Variants in PCDHGA8 observed in about 807,000 individuals in gnomAD.
PCDHGA8 encodes protocadherin gamma subfamily A, 8, also known as protocadherin gamma-A8.
A neutral mutation model predicts 59.2 loss-of-function variants in PCDHGA8; 45 were observed. That is an observed-to-expected ratio of 0.76 (90% CI 0.60 to 0.98). The LOEUF (loss-of-function observed/expected upper bound fraction) is 0.98. PCDHGA8 is among the 50% of genes least tolerant of loss of function. PCDHGA8 has a pLI of 0.00. For missense variants in PCDHGA8, 1,257 were observed against 1,196.2 expected, an observed-to-expected ratio of 1.05 and a Z score of -0.75; for synonymous variants, 531 against 519.0, an observed-to-expected ratio of 1.02 and a Z score of -0.32.
Position 141,490,909 on chromosome 5 carries a change from G to T in PCDHGA8, c.2425-3898G>T. 4 of 1,613,744 alleles carry T rather than the reference G, an allele frequency of 2.5e-6. No individual in the cohort carries two copies. Among genetic ancestry groups the T allele is most frequent in the Non-Finnish European group, 3.4e-6 (4 of 1,179,762 alleles). ...ATCTCTGCATGTGTTTGTCCTAGAC[G>T]AGAATGATAATGCCCCAGCTGTGCT... On this transcript the variant is annotated intron_variant, in intron 1 of 3. Transcript: ENST00000398604. The surrounding 1 kb of genome is among the most constrained non-coding windows in gnomAD (Gnocchi z 5.4).
chr5:141,415,076 G>A (rs772523894), intron 1 of PCDHGA8: 3 of 1,613,462 alleles, frequency 1.9e-6, no homozygotes, highest in South Asian at 1.1e-5. Context: ...CGCACGGCGC[G>A]AGCCCTGCTG....
At position 141,421,030 on chromosome 5, in the gene PCDHGA8, G is replaced by A. The variant is rs989158485; in HGVS notation, c.2424+25793G>A. The stretch of plus-strand genomic sequence containing the variant: ...GGAATGGGAAGCTGCGCGCCATTGA[G>A]TCCCTCCCTCCCCCGCCTCTACCAC... On this transcript the variant is annotated intron_variant, in intron 1 of 3. Coordinates refer to ENST00000398604, the MANE Select transcript of PCDHGA8 (RefSeq NM_032088.2). 39 of 532,352 alleles carry A rather than the reference G, an allele frequency of 7.3e-5. No homozygotes were observed. In the East Asian group the frequency reaches 1.2e-3, roughly 17 times the overall value. 33.0% of individuals were successfully genotyped at this position (532,352 alleles called of 1,614,324 possible). A position where few individuals can be genotyped will look rare whatever the true frequency, so the allele number is the denominator to read the frequency against.
At chr5:141,415,638 T>G in intron 1 of PCDHGA8, 1 of 1,598,954 alleles carries the variant, frequency 6.3e-7, no homozygotes, top group Non-Finnish European at 8.5e-7. Flanking sequence ...TTTTTACTTT[T>G]GTTAAAAAAA....
At chr5:141,484,750 GTA>G (rs545232987) in intron 1 of PCDHGA8, among the ~76,000 whole-genome samples, 18 of 149,824 alleles carry the variant, frequency 1.2e-4, no homozygotes, top group Admixed American at 4.7e-4. Flanking sequence ...GAAAAAAAAT[GTA>G]TATATATATA....
intron 1 of PCDHGA8, chr5:141,415,551 C>A (rs745641887): frequency 5.6e-6 from 9 of 1,614,014 alleles, no homozygotes; most frequent in Non-Finnish European, 7.6e-6. Context: ...GTGAGAAAAA[C>A]GATCCTTTGT....
At chr5:141,422,463 C>T in intron 1 of PCDHGA8, 1 of 1,613,472 alleles carries the variant, frequency 6.2e-7, no homozygotes, top group African/African-American at 1.3e-5. Context: ...GAGTGCTGGA[C>T]AGGGAGTTGG....
At position 141,487,937 on chromosome 5, in the gene PCDHGA8, T is replaced by G; in HGVS notation, c.2425-6870T>G. 2 of 603,606 alleles carry G rather than the reference T, an allele frequency of 3.3e-6. No homozygotes were observed. The highest frequency in any genetic ancestry group is 2.9e-6 in the Non-Finnish European group (1 of 345,124). 37.4% of individuals were successfully genotyped at this position (603,606 alleles called of 1,614,324 possible). ...GGAGGCTACAGTGCACAGGGTACAG[T>G]GCACCAGGCAGTCACTTGGACAAAG... On this transcript the variant is annotated intron_variant, in intron 1 of 3. Transcript: ENST00000398604. The surrounding 1 kb of genome is among the most constrained non-coding windows in gnomAD (Gnocchi z 5.0).
intron 1 of PCDHGA8, among the ~76,000 whole-genome samples, chr5:141,401,572 C>T (rs1013014550): frequency 3.3e-5 from 5 of 152,268 alleles, no homozygotes; most frequent in Middle Eastern, 3.4e-3. Flanking sequence ...TTCTCTTGCT[C>T]GGAATCCTGA....
chr5:141,479,469 C>T lies in PCDHGA8; in HGVS notation c.2425-15338C>T, dbSNP rs1218436564. 8 of 152,344 alleles carry T rather than the reference C, an allele frequency of 5.3e-5. No homozygotes were observed. In the East Asian group the frequency reaches 1.5e-3, roughly 29 times the overall value. 9.4% of individuals were successfully genotyped at this position (152,344 alleles called of 1,614,324 possible). On this transcript the variant is annotated intron_variant, in intron 1 of 3. Transcript: ENST00000398604. ...AAGTTCAGCATGAATACAGTGACCT[C>T]TTGGGAGGGCAGGACCATCAGGTTG...
chr5:141,491,794 TCCGG>T lies in PCDHGA8; in HGVS notation c.2425-3007_2425-3004del. The T allele has an allele frequency of 6.6e-7, 1 of 1,511,056 alleles. No homozygotes were observed. The highest frequency in any genetic ancestry group is 8.8e-7 in the Non-Finnish European group (1 of 1,130,146). 93.6% of individuals were successfully genotyped at this position (1,511,056 alleles called of 1,614,324 possible). A position where few individuals can be genotyped will look rare whatever the true frequency, so the allele number is the denominator to read the frequency against. Reference sequence around the variant, plus strand: ...GGGATTGAACTTGCATCCACTCCTCTCCGGCCGGCTTGGTCGCTGGCTGCGCTCC... The same window carrying T: ...GGGATTGAACTTGCATCCACTCCTCTCCGGCTTGGTCGCTGGCTGCGCTCC... On this transcript the variant is annotated intron_variant, in intron 1 of 3. Transcript: ENST00000398604. The surrounding 1 kb of genome is among the most constrained non-coding windows in gnomAD (Gnocchi z 6.9).
chr5:141,489,312 G>A lies in PCDHGA8; in HGVS notation c.2425-5495G>A, dbSNP rs745541067. The A allele has an allele frequency of 2.5e-6, 4 of 1,594,972 alleles. No homozygotes were observed. The highest frequency in any genetic ancestry group is 2.6e-6 in the Non-Finnish European group (3 of 1,169,822). On this transcript the variant is annotated intron_variant, in intron 1 of 3. Transcript: ENST00000398604. This position sits in a 1 kb window ranked among gnomAD's most constrained non-coding sequence, Gnocchi z 4.5. ...TGTGCATGTTGTCCTTGTGCTGCTG[G>A]GGCTGGGTGTCTGGGCAGCTTCGTT...
intron 2 of PCDHGA8, among the ~76,000 whole-genome samples, chr5:141,502,472 A>G (rs1450967250): frequency 1.3e-5 from 2 of 150,886 alleles, no homozygotes; most frequent in Non-Finnish European, 2.9e-5. Flanking sequence ...TACTTCCCGC[A>G]GCATCACACT....
chr5:141,395,156 T>C lies in PCDHGA8; in HGVS notation c.2343T>C (p.Ser781=). 4 of 1,614,114 alleles carry C rather than the reference T, an allele frequency of 2.5e-6. No individual in the cohort carries two copies. The highest frequency in any genetic ancestry group is 4.5e-5 in the East Asian group (2 of 44,882). ...CCAACTACGCAGACATGCTCATCAG[T>C]CAGGAGGGCTGTGAGAAAAATGATT... ...PQPNYADMLI[S]QEGCEKNDSL... The change falls in exon 1 of 4, where the codon AGT becomes AGC. Residue 781 remains serine (S), a synonymous_variant. Coordinates refer to ENST00000398604, the MANE Select transcript of PCDHGA8 (RefSeq NM_032088.2).
At chr5:141,510,062 G>GA (rs1448334820) in intron 3 of PCDHGA8, among the ~76,000 whole-genome samples, 1 of 152,150 alleles carries the variant, frequency 6.6e-6, no homozygotes. Flanking sequence ...TTGTGCATGT[G>GA]AAGCATCCAG....
chr5:141,423,234 C>T, intron 1 of PCDHGA8: 1 of 1,613,918 alleles, frequency 6.2e-7, no homozygotes, highest in South Asian at 1.1e-5. Context: ...CCGACAGCAT[C>T]CCCGAAGTCC....
chr5:141,399,092 G>C (rs573118488), intron 1 of PCDHGA8: 1 of 1,613,810 alleles, frequency 6.2e-7, no homozygotes, highest in East Asian at 2.2e-5. Context: ...GATGGTGGTG[G>C]ACTGGTTGCA....
intron 1 of PCDHGA8, among the ~76,000 whole-genome samples, chr5:141,453,176 C>T (rs1225418058): frequency 6.6e-6 from 1 of 152,042 alleles, no homozygotes; most frequent in Non-Finnish European, 1.5e-5. Flanking sequence ...TCCAGTGGTA[C>T]AATCACAGCT....
intron 1 of PCDHGA8, among the ~76,000 whole-genome samples, chr5:141,453,510 T>C (rs11958830): frequency 0.2 from 30,607 of 152,026 alleles, 3,435 homozygotes; most frequent in African/African-American, 0.31. Flanking sequence ...AAAATTGTCA[T>C]TCCTCCCCTA....
intron 1 of PCDHGA8, among the ~76,000 whole-genome samples, chr5:141,407,339 T>C (rs958646781): frequency 3.3e-5 from 5 of 152,222 alleles, no homozygotes; most frequent in Non-Finnish European, 7.3e-5. Context: ...TTGAAATGTA[T>C]GTTAATTTGG....
Sources: allele counts gnomAD v4.1 joint callset (sites outside exome capture counted in the v4.1 genomes callset), GRCh38; gene constraint gnomAD v4.1.1; non-coding constraint Gnocchi (gnomAD v3.1); transcripts MANE v1.5; gene names NCBI Gene and HGNC (gene_info 2026-07-23, HGNC 2026-07-21).